ZCCHC17: variants seen among roughly 807,000 people sequenced by gnomAD.
ZCCHC17 encodes zinc finger CCHC-type containing 17, also known as zinc finger CCHC domain-containing protein 17.
A neutral mutation model predicts 30.6 loss-of-function variants in ZCCHC17; 18 were observed. The observed-to-expected ratio is 0.59, with a 90% CI of 0.41 to 0.87. The LOEUF (loss-of-function observed/expected upper bound fraction) is 0.87. Among genes scored for constraint, ZCCHC17 ranks in the 40% least tolerant of loss-of-function variants. The pLI is 0.00. For missense variants in ZCCHC17, 263 were observed against 284.2 expected (o/e 0.93, Z 0.54); for synonymous variants, 88 against 92.4 (o/e 0.95, Z 0.27).
chr1:31,306,061 A>G (rs900624929), intron 1 of ZCCHC17, among the ~76,000 whole-genome samples: 4 of 152,174 alleles, frequency 2.6e-5, no homozygotes, highest in African/African-American at 9.7e-5. Context: ...AGCACTTATC[A>G]TACACTGTGG....
chr1:31,308,653 G>A (rs61780096), intron 1 of ZCCHC17, among the ~76,000 whole-genome samples: 17,279 of 152,238 alleles, frequency 0.11, 1,296 homozygotes, highest in South Asian at 0.27. Flanking sequence ...GCATGTTTAA[G>A]AGCCGCTAGA....
chr1:31,364,100 T>C lies in ZCCHC17; in HGVS notation c.633T>C (p.Asp211=). Residue 211 remains aspartate, a synonymous_variant, in exon 8 of 8, where the codon GAT becomes GAC. Transcript: ENST00000344147. The part of the protein sequence containing the change: ...SDSDSSDSES[D]TGKRARHTSK... ...CTGACAGCTCAGACTCTGAGAGTGA[T>C]ACAGGCAAGAGGGCAAGGCACACAT... The C allele has an allele frequency of 6.2e-7, 1 of 1,613,796 alleles. No homozygotes were observed. Among genetic ancestry groups the C allele is most frequent in the South Asian group, 1.1e-5 (1 of 91,072 alleles).
chr1:31,324,353 A>C (rs1176449810), intron 3 of ZCCHC17, among the ~76,000 whole-genome samples: 1 of 152,292 alleles, frequency 6.6e-6, no homozygotes, highest in African/African-American at 2.4e-5. Flanking sequence ...GATGCCAGCC[A>C]TAGTGGGGGC....
intron 1 of ZCCHC17, among the ~76,000 whole-genome samples, chr1:31,304,272 C>CT (rs5773350): frequency 0.45 from 65,251 of 146,552 alleles, 17,736 homozygotes; most frequent in Non-Finnish European, 0.61. Context: ...GTTATATACT[C>CT]TTTTTTTTTT....
intron 3 of ZCCHC17, among the ~76,000 whole-genome samples, chr1:31,331,574 A>G (rs997307484): frequency 1.3e-5 from 2 of 151,902 alleles, no homozygotes; most frequent in Non-Finnish European, 2.9e-5. Flanking sequence ...TGCCTTATTT[A>G]TGGCAGAAAT....
chr1:31,309,800 T>A (rs1646554278), intron 1 of ZCCHC17, among the ~76,000 whole-genome samples: 2 of 152,098 alleles, frequency 1.3e-5, no homozygotes. Flanking sequence ...AAATAGCAAT[T>A]TAAAAAAACC....
At position 31,361,298 on chromosome 1, in the gene ZCCHC17, A is replaced by C. The variant is rs115030360; in HGVS notation, c.565-2734A>C. On this transcript the variant is annotated intron_variant, in intron 7 of 7. Coordinates refer to ENST00000344147, the MANE Select transcript of ZCCHC17 (RefSeq NM_016505.4). Reference sequence around the variant, plus strand: ...TAAAACTTTGACTTGTCTCCTGTAGATGCTTGGCCAGGCTGTCAGAACATC... The same window carrying C: ...TAAAACTTTGACTTGTCTCCTGTAGCTGCTTGGCCAGGCTGTCAGAACATC... Among the ~76,000 whole-genome samples, 1,474 of 152,294 alleles carry C rather than the reference A, an allele frequency of 9.7e-3. 29 individuals are homozygous for C. Among genetic ancestry groups the C allele is most frequent in the African/African-American group, 0.032 (1,338 of 41,560 alleles).
At chr1:31,344,038 A>G (rs891058193) in intron 5 of ZCCHC17, among the ~76,000 whole-genome samples, 2 of 151,662 alleles carry the variant, frequency 1.3e-5, no homozygotes, top group African/African-American at 2.4e-5. Flanking sequence ...TTTTTTTAGT[A>G]GAGACGGGGT....
intron 3 of ZCCHC17, among the ~76,000 whole-genome samples, chr1:31,328,616 A>G (rs1638453686): frequency 6.6e-6 from 1 of 152,210 alleles, no homozygotes; most frequent in Non-Finnish European, 1.5e-5. Flanking sequence ...AGTTTATTAT[A>G]AAGGATACAA....
intron 5 of ZCCHC17, among the ~76,000 whole-genome samples, chr1:31,343,287 T>A (rs1205775072): frequency 6.6e-6 from 1 of 152,218 alleles, no homozygotes; most frequent in Non-Finnish European, 1.5e-5. Context: ...CTTGAACTCC[T>A]GGCCTCAAGT....
chr1:31,345,855 G>C (rs562427233), intron 5 of ZCCHC17, among the ~76,000 whole-genome samples: 437 of 151,684 alleles, frequency 2.9e-3, no homozygotes, highest in African/African-American at 9.6e-3. Flanking sequence ...GGGGAAATCC[G>C]ACCCCATTAT....
chr1:31,348,427 T>C (rs1639351648), intron 6 of ZCCHC17, among the ~76,000 whole-genome samples: 1 of 152,220 alleles, frequency 6.6e-6, no homozygotes, highest in Non-Finnish European at 1.5e-5. Flanking sequence ...TATATTCCTT[T>C]AGGGCTTGGC....
chr1:31,326,438 T>A (rs1227126668), intron 3 of ZCCHC17, among the ~76,000 whole-genome samples: 1 of 152,240 alleles, frequency 6.6e-6, no homozygotes, highest in Non-Finnish European at 1.5e-5. Context: ...ATTAAGTTTC[T>A]CATTTTATGT....
At chr1:31,323,676 T>A (rs1279617284) in intron 3 of ZCCHC17, among the ~76,000 whole-genome samples, 5 of 152,114 alleles carry the variant, frequency 3.3e-5, no homozygotes, top group East Asian at 1.9e-4. Context: ...ATCTCAAAAA[T>A]TTTTTTTCAC....
In ZCCHC17 at chr1:31,364,133, C is replaced by G. The variant is rs1442249258; in HGVS notation, c.666C>G (p.Asp222Glu). 3 of 1,613,824 alleles carry G rather than the reference C, an allele frequency of 1.9e-6. No individual in the cohort carries two copies. The highest frequency in any genetic ancestry group is 2.2e-5 in the East Asian group (1 of 44,874). The change falls in exon 8 of 8, where the codon GAC (aspartate) becomes GAG (glutamate). Residue 222 changes from aspartate (D) to glutamate (E), a missense_variant. By Grantham distance (45) the Asp-to-Glu change is conservative. Transcript: ENST00000344147. ...AGAGGGCAAGGCACACATCAAAAGA[C>G]AGCAAGGCAGCAAAGAAGAAGAAAA... Reference protein sequence around the residue: ...TGKRARHTSKDSKAAKKKKKK... With the variant: ...TGKRARHTSKESKAAKKKKKK...
chr1:31,318,028 A>T, intron 2 of ZCCHC17: 1 of 608,704 alleles, frequency 1.6e-6, no homozygotes. Flanking sequence ...TTGGATGGGA[A>T]TAATAGTACC....
chr1:31,363,472 C>T (rs934502524), intron 7 of ZCCHC17, among the ~76,000 whole-genome samples: 3 of 152,132 alleles, frequency 2.0e-5, no homozygotes, highest in African/African-American at 4.8e-5. Flanking sequence ...CGTGAGCCAC[C>T]GCACCTGGCC....
intron 2 of ZCCHC17, among the ~76,000 whole-genome samples, chr1:31,311,591 C>CT (rs1309584996): frequency 6.6e-6 from 1 of 152,200 alleles, no homozygotes; most frequent in Admixed American, 6.5e-5. Flanking sequence ...GAAGACTACT[C>CT]TGTTTCCAAG....
At chr1:31,318,499 T>C (rs12024466) in intron 2 of ZCCHC17, among the ~76,000 whole-genome samples, 6,513 of 152,246 alleles carry the variant, frequency 0.043, 374 homozygotes, top group East Asian at 0.27. Flanking sequence ...GGGACAACTC[T>C]TTCTCTCTGA....
Sources: allele counts gnomAD v4.1 joint callset (sites outside exome capture counted in the v4.1 genomes callset), GRCh38; gene constraint gnomAD v4.1.1; transcripts MANE v1.5; gene names NCBI Gene and HGNC (gene_info 2026-07-23, HGNC 2026-07-21).